Variants in EGF observed in about 807,000 individuals in gnomAD.
EGF encodes the protein pro-epidermal growth factor.
EGF carries 95 observed loss-of-function variants against 143.8 expected under a neutral mutation model. The ratio of observed to expected loss-of-function variants is 0.66; its 90% confidence interval spans 0.56 to 0.78. The LOEUF (loss-of-function observed/expected upper bound fraction) is 0.78. Among genes scored for constraint, EGF ranks in the 30% least tolerant of loss-of-function variants. The pLI is 0.00. For synonymous variants in EGF, 510 were observed against 510.5 expected (o/e 1.00, Z 0.01); for missense variants, 1,320 against 1,470.9 (o/e 0.90, Z 1.68).
rs918692122 is a variant in EGF at position 110,013,628 on chromosome 4, A to G, written c.*2173A>G. 1.3e-5 allele frequency among the ~76,000 whole-genome samples: 2 copies of G among 152,014 alleles called. No individual in the cohort carries two copies. Among genetic ancestry groups the G allele is most frequent in the Admixed American group, 6.6e-5 (1 of 15,262 alleles). ...GATTTGTGTTTTTTCCAGACTGAAT[A>G]CTTTTCCTCCCTAACTCTCATCGTC... On this transcript the variant is annotated 3_prime_UTR_variant, in exon 24 of 24. Coordinates refer to ENST00000265171, the MANE Select transcript of EGF (RefSeq NM_001963.6).
Position 109,913,462 on chromosome 4 carries a change from G to T in EGF, c.127G>T (p.Gly43Cys). 6.2e-7 allele frequency: 1 copy of T among 1,613,438 alleles called. No individual in the cohort carries two copies. The highest frequency in any genetic ancestry group is 2.2e-5 in the East Asian group (1 of 44,810). Residue 43 changes from glycine to cysteine, a missense_variant and splice_region_variant, in exon 1 of 24, where the codon GGT (glycine) becomes TGT (cysteine). This residue lies in a region of EGF where 79 missense variants were observed against 71.2 expected (regional missense o/e 1.11). Transcript: ENST00000265171. ...AGGAAATGGGAATTCTACTTGTGTG[G>T]GTAAGTACTCCAATGAAAAGGTGCT... ...LAGNGNSTCV[G>C]PAPFLIFSHG...
chr4:109,984,215 A>G lies in EGF; in HGVS notation c.2491+674A>G, dbSNP rs1268855456. On this transcript the variant is annotated intron_variant, in intron 16 of 23. Coordinates refer to ENST00000265171, the MANE Select transcript of EGF (RefSeq NM_001963.6). ...TTGAAACATTTTATTTGTTTGTGTT[A>G]CTAAGTAACACTTTAACAAGATGTA... Among the ~76,000 whole-genome samples the G allele has an allele frequency of 3.3e-5, 5 of 151,898 alleles. No individual in the cohort carries two copies. In the South Asian group the frequency reaches 8.3e-4, roughly 25 times the overall value.
At chr4:109,944,933 T>G in intron 4 of EGF, 140 bp from the exon 5 acceptor site, 2 of 886,938 alleles carry the variant, frequency 2.3e-6, no homozygotes, top group Non-Finnish European at 3.5e-6. Context: ...AAACTTAATA[T>G]ACTTTTCTAA....
chr4:109,944,181 G>T, intron 4 of EGF, 112 bp downstream of exon 4: 1 of 1,233,694 alleles, frequency 8.1e-7, no homozygotes, highest in Non-Finnish European at 1.2e-6. Flanking sequence ...CATAGATTTT[G>T]AATCCAAAAG....
intron 5 of EGF, among the ~76,000 whole-genome samples, chr4:109,945,737 G>A (rs762349141): frequency 1.3e-5 from 2 of 152,178 alleles, no homozygotes; most frequent in African/African-American, 2.4e-5. Flanking sequence ...TTTTAGAGAA[G>A]TGACAAGACA....
intron 1 of EGF, among the ~76,000 whole-genome samples, chr4:109,930,130 G>T (rs568201449): frequency 6.6e-6 from 1 of 152,246 alleles, no homozygotes; most frequent in South Asian, 2.1e-4. Context: ...ATTTTCCTGA[G>T]GCCTCACCAG....
At chr4:110,006,397 A>G (rs1429512320) in intron 22 of EGF, among the ~76,000 whole-genome samples, 1 of 152,190 alleles carries the variant, frequency 6.6e-6, no homozygotes, top group Non-Finnish European at 1.5e-5. Flanking sequence ...CCAGTTGGCT[A>G]TCTAATCTTG....
chr4:109,963,374 G>C lies in EGF; in HGVS notation c.1438+76G>C, dbSNP rs528376562. The C allele has an allele frequency of 3.3e-4, 531 of 1,588,432 alleles. 3 individuals carry two copies. The Middle Eastern group carries it at 6.7e-3, about 20-fold the overall frequency. ...AATCTTTTGTTTAGAAAGATGGAAA[G>C]TTAACTGCTTATGGTTTTGTATTTT... On this transcript the variant is annotated intron_variant, in intron 9 of 23. Coordinates refer to ENST00000265171, the MANE Select transcript of EGF (RefSeq NM_001963.6).
At chr4:109,918,579 C>G (rs754686532) in intron 1 of EGF, among the ~76,000 whole-genome samples, 39 of 152,116 alleles carry the variant, frequency 2.6e-4, no homozygotes, top group Non-Finnish European at 4.6e-4. Context: ...CTATGTGTCC[C>G]TTCTGGGCCT....
chr4:109,979,992 G>C lies in EGF; in HGVS notation c.2074G>C (p.Val692Leu). ...NDVGHPFAVA[V>L]FEDYVWFSDW... Reference sequence around the variant, plus strand: ...TCCAGGTCACCCATTTGCTGTAGCAGTGTTTGAGGATTATGTGTGGTTCTC... The same window carrying C: ...TCCAGGTCACCCATTTGCTGTAGCACTGTTTGAGGATTATGTGTGGTTCTC... The change falls in exon 14 of 24, where the codon GTG becomes CTG. Residue 692 changes from valine (V) to leucine (L), a missense_variant. By Grantham distance (32) the Val-to-Leu change is conservative. Transcript: ENST00000265171. 6.2e-7 allele frequency: 1 copy of C among 1,614,068 alleles called. No homozygotes were observed. The highest frequency in any genetic ancestry group is 8.5e-7 in the Non-Finnish European group (1 of 1,179,930).
chr4:109,992,628 C>A (rs905611690), intron 18 of EGF, among the ~76,000 whole-genome samples: 1 of 152,094 alleles, frequency 6.6e-6, no homozygotes. Context: ...AATCATGCTT[C>A]TATAAAGACA....
At chr4:109,981,346 C>T (rs1749327223) in intron 15 of EGF, among the ~76,000 whole-genome samples, 1 of 152,186 alleles carries the variant, frequency 6.6e-6, no homozygotes, top group South Asian at 2.1e-4. Context: ...TATATGATCT[C>T]TTATCACATG....
chr4:109,943,558 A>G, intron 3 of EGF, 123 bp downstream of exon 3: 2 of 1,090,998 alleles, frequency 1.8e-6, no homozygotes, highest in East Asian at 2.5e-5. Context: ...TTTGCAGCAC[A>G]CAGGCACCGT....
intron 1 of EGF, 22 bp from the exon 2 acceptor site, chr4:109,940,924 T>C (rs1488354539): frequency 6.2e-7 from 1 of 1,605,854 alleles, no homozygotes; most frequent in Non-Finnish European, 8.5e-7. Flanking sequence ...GTATACAGTT[T>C]GGTCTCTTTC....
intron 23 of EGF, among the ~76,000 whole-genome samples, chr4:110,009,375 GT>G (rs1753719754): frequency 6.6e-6 from 1 of 152,138 alleles, no homozygotes; most frequent in Non-Finnish European, 1.5e-5. Context: ...AATATTTGTA[GT>G]TACTACTTTT....
chr4:109,913,937 T>C (rs1736144349), intron 1 of EGF, among the ~76,000 whole-genome samples: 2 of 152,212 alleles, frequency 1.3e-5, no homozygotes, highest in South Asian at 2.1e-4. Flanking sequence ...ACAAAGGTAG[T>C]TGTGAAAATT....
intron 11 of EGF, among the ~76,000 whole-genome samples, chr4:109,973,617 C>G (rs1010782934): frequency 6.6e-6 from 1 of 151,556 alleles, no homozygotes; most frequent in Admixed American, 6.6e-5. Flanking sequence ...TCTCCTCCTT[C>G]CCTTTCCCTC....
At chr4:109,938,509 A>G (rs986527350) in intron 1 of EGF, among the ~76,000 whole-genome samples, 3 of 152,142 alleles carry the variant, frequency 2.0e-5, no homozygotes, top group African/African-American at 7.2e-5. Context: ...TCTGAAGCCT[A>G]CTTCTGTCAC....
At chr4:110,005,285 A>G (rs1753124804) in intron 22 of EGF, among the ~76,000 whole-genome samples, 1 of 151,452 alleles carries the variant, frequency 6.6e-6, no homozygotes, top group South Asian at 2.1e-4. Context: ...GGCTCAAGCA[A>G]TCCACCTGCC....
Sources: gnomAD v4.1 joint callset for allele counts (sites outside exome capture counted in the v4.1 genomes callset) on GRCh38, gnomAD v4.1.1 for gene constraint, gnomAD v4.1.1 regional missense constraint, MANE v1.5 for transcripts, NCBI Gene and HGNC (gene_info 2026-07-23, HGNC 2026-07-21) for gene names.